The following TSHZ2 variants were observed in gnomAD, a reference collection of about 807,000 sequenced individuals.
TSHZ2 encodes teashirt homolog 2.
A neutral mutation model predicts 74.4 loss-of-function variants in TSHZ2; 21 were observed. The ratio of observed to expected loss-of-function variants is 0.28; its 90% CI spans 0.20 to 0.41. The LOEUF is 0.41. Ranked by LOEUF, TSHZ2 falls within the 10% of genes least tolerant of loss-of-function variation. The probability of loss-of-function intolerance (pLI) is 1.00; values close to 1 mark genes in which losing one functional copy is unlikely to be tolerated. For missense variants in TSHZ2, 1,244 were observed against 1,293.5 expected (o/e 0.96, Z 0.59); for synonymous variants, 540 against 515.3 (o/e 1.05, Z -0.65).
chr20:53,132,843 A>G (rs1283951191), intron 1 of TSHZ2, among the ~76,000 whole-genome samples: 1 of 152,106 alleles, frequency 6.6e-6, no homozygotes, highest in African/African-American at 2.4e-5. Context: ...TCAGGATTTT[A>G]TGTTCCCTCT....
At chr20:53,308,790 T>C (rs1050153871) in intron 2 of TSHZ2, among the ~76,000 whole-genome samples, 4 of 152,180 alleles carry the variant, frequency 2.6e-5, no homozygotes, top group African/African-American at 9.7e-5. Context: ...AACAACCCCG[T>C]TATCGGAACC....
chr20:53,270,664 TC>T (rs11475349), intron 2 of TSHZ2, among the ~76,000 whole-genome samples: 55,062 of 151,664 alleles, frequency 0.36, 14,351 homozygotes, highest in African/African-American at 0.74. Context: ...GATGAATGCC[TC>T]CCCCCCAAAA....
In TSHZ2 at chr20:53,006,772, T is replaced by C. The variant is rs1982661789; in HGVS notation, c.40+33439T>C. 2.6e-5 allele frequency among the ~76,000 whole-genome samples: 4 copies of C among 152,234 alleles called. No homozygotes were observed. In the South Asian group the frequency reaches 8.3e-4, roughly 32 times the overall value. Reference sequence around the variant, plus strand: ...CATTCTTTCACATCATTTTCTTTGGTACAGATCTAAAATAGCATCATTCTA... The same window carrying C: ...CATTCTTTCACATCATTTTCTTTGGCACAGATCTAAAATAGCATCATTCTA... On this transcript the variant is annotated intron_variant, in intron 1 of 2. Transcript: ENST00000371497.
At chr20:53,376,243 G>A (rs1981653611) in intron 2 of TSHZ2, among the ~76,000 whole-genome samples, 1 of 152,218 alleles carries the variant, frequency 6.6e-6, no homozygotes, top group Non-Finnish European at 1.5e-5. Flanking sequence ...AACTGTCCTG[G>A]TTTGCTCTGG....
chr20:53,203,990 G>A (rs111914453), intron 1 of TSHZ2, among the ~76,000 whole-genome samples: 9 of 150,704 alleles, frequency 6.0e-5, no homozygotes, highest in Non-Finnish European at 8.9e-5. Flanking sequence ...TCCAAAAACC[G>A]TAGTGCACAA....
intron 1 of TSHZ2, 82 bp from the exon 2 acceptor site, chr20:53,253,417 G>T: frequency 6.6e-7 from 1 of 1,506,034 alleles, no homozygotes. Flanking sequence ...TTCGGCATGG[G>T]AAGCACTTAG....
intron 2 of TSHZ2, among the ~76,000 whole-genome samples, chr20:53,382,657 C>T (rs1467597257): frequency 3.9e-5 from 6 of 152,116 alleles, no homozygotes; most frequent in African/African-American, 1.2e-4. Context: ...CTCCATGGCT[C>T]CCCCCGGGCC....
chr20:53,009,888 C>G (rs1337808441), intron 1 of TSHZ2, among the ~76,000 whole-genome samples: 2 of 152,142 alleles, frequency 1.3e-5, no homozygotes, highest in African/African-American at 4.8e-5. Flanking sequence ...AAAAGACCTA[C>G]ATTGGGAACT....
intron 2 of TSHZ2, among the ~76,000 whole-genome samples, chr20:53,345,767 C>T (rs1293837247): frequency 6.7e-6 from 1 of 150,120 alleles, no homozygotes; most frequent in Non-Finnish European, 1.5e-5. Flanking sequence ...GTAATCCTCA[C>T]CCCTCATTTC....
At chr20:53,245,212 G>A (rs1186902354) in intron 1 of TSHZ2, among the ~76,000 whole-genome samples, 2 of 152,194 alleles carry the variant, frequency 1.3e-5, no homozygotes, top group African/African-American at 2.4e-5. Context: ...TATAGATGAG[G>A]AAGCTGTGCC....
intron 2 of TSHZ2, among the ~76,000 whole-genome samples, chr20:53,346,803 G>T (rs1568878928): frequency 6.6e-6 from 1 of 152,198 alleles, no homozygotes; most frequent in Non-Finnish European, 1.5e-5. Flanking sequence ...ACAAAAAGGG[G>T]AGTTAAACCT....
chr20:53,289,422 A>G (rs577994320), intron 2 of TSHZ2, among the ~76,000 whole-genome samples: 10 of 152,320 alleles, frequency 6.6e-5, no homozygotes, highest in Admixed American at 1.3e-4. Context: ...GCTAGTTTAC[A>G]TTCCCACCAG....
intron 2 of TSHZ2, among the ~76,000 whole-genome samples, chr20:53,328,563 A>G (rs1040571055): frequency 6.6e-6 from 1 of 152,240 alleles, no homozygotes; most frequent in Admixed American, 6.5e-5. Context: ...AGCCATTGAT[A>G]ATTGATTATT....
rs1985299736 is a variant in TSHZ2 at position 53,074,309 on chromosome 20, G to A, written c.40+100976G>A. On this transcript the variant is annotated intron_variant, in intron 1 of 2. Coordinates refer to ENST00000371497, the MANE Select transcript of TSHZ2 (RefSeq NM_173485.6). The surrounding 1 kb of genome is among the most constrained non-coding windows in gnomAD (Gnocchi z 5.9). Reference sequence around the variant, plus strand: ...GAAGTTACCACATTGCTGAAATTATGTCCTAAGTATCAGTCCTTTCTACTG... The same window carrying A: ...GAAGTTACCACATTGCTGAAATTATATCCTAAGTATCAGTCCTTTCTACTG... Among the ~76,000 whole-genome samples the A allele has an allele frequency of 6.6e-6, 1 of 152,170 alleles. No homozygotes were observed. The highest frequency in any genetic ancestry group is 2.4e-5 in the African/African-American group (1 of 41,444).
chr20:53,118,440 G>A (rs775955123), intron 1 of TSHZ2, among the ~76,000 whole-genome samples: 22 of 152,098 alleles, frequency 1.4e-4, no homozygotes, highest in Admixed American at 5.2e-4. Context: ...AAAAACTTAC[G>A]AGAGAGTGAG....
At chr20:52,981,406 G>A (rs1379207282) in intron 1 of TSHZ2, among the ~76,000 whole-genome samples, 1 of 152,184 alleles carries the variant, frequency 6.6e-6, no homozygotes, top group Non-Finnish European at 1.5e-5. Context: ...ATAAAATGGG[G>A]GCAATCATAT....
chr20:52,990,065 T>C (rs1480373467), intron 1 of TSHZ2, among the ~76,000 whole-genome samples: 2 of 152,136 alleles, frequency 1.3e-5, no homozygotes, highest in African/African-American at 4.8e-5. Context: ...ACATTTAGCA[T>C]GTTTTAAATT....
chr20:53,363,644 T>A (rs1230195004), intron 2 of TSHZ2, among the ~76,000 whole-genome samples: 1 of 152,196 alleles, frequency 6.6e-6, no homozygotes, highest in Non-Finnish European at 1.5e-5. Context: ...TGGAAAGTCA[T>A]GCAGATAGAA....
At chr20:53,293,266 C>A in intron 2 of TSHZ2, among the ~76,000 whole-genome samples, 1 of 151,962 alleles carries the variant, frequency 6.6e-6, no homozygotes, top group East Asian at 1.9e-4. Flanking sequence ...AGTTTGAGAC[C>A]AGCCTGGCCA....
Sources: allele counts gnomAD v4.1 joint callset (sites outside exome capture counted in the v4.1 genomes callset), GRCh38; gene constraint gnomAD v4.1.1; non-coding constraint Gnocchi (gnomAD v3.1); transcripts MANE v1.5; gene names NCBI Gene and HGNC (gene_info 2026-07-23, HGNC 2026-07-21).